LRRC75A: variants seen among roughly 807,000 people sequenced by gnomAD.
The protein encoded by LRRC75A is leucine-rich repeat-containing protein 75A.
A neutral mutation model predicts 26.0 loss-of-function variants in LRRC75A; 12 were observed. The observed-to-expected ratio is 0.46, with a 90% CI of 0.30 to 0.75. LRRC75A has a LOEUF of 0.75. LRRC75A is among the 30% of genes least tolerant of loss of function. The probability of loss-of-function intolerance (pLI) is 0.08; values close to 1 mark genes in which losing one functional copy is unlikely to be tolerated. For synonymous variants in LRRC75A, 223 were observed against 219.3 expected (o/e 1.02, Z -0.15); for missense variants, 410 against 486.6 (o/e 0.84, Z 1.48).
intron 1 of LRRC75A, among the ~76,000 whole-genome samples, chr17:16,476,518 G>C (rs1351181567): frequency 5.3e-5 from 8 of 151,708 alleles, no homozygotes; most frequent in Admixed American, 3.3e-4. Context: ...GGCTTTATTT[G>C]GCTTTTGTTT....
intron 2 of LRRC75A, among the ~76,000 whole-genome samples, chr17:16,453,020 G>A (rs1166096988): frequency 1.3e-5 from 2 of 152,088 alleles, no homozygotes; most frequent in Non-Finnish European, 2.9e-5. Flanking sequence ...GCCGGGCGCG[G>A]TAGTTCACGC....
At chr17:16,490,944 G>C (rs1032963181) in intron 1 of LRRC75A, among the ~76,000 whole-genome samples, 7 of 152,224 alleles carry the variant, frequency 4.6e-5, no homozygotes, top group Non-Finnish European at 7.3e-5. Context: ...CAAAGAAACT[G>C]ACAAAGGAAA....
intron 1 of LRRC75A, among the ~76,000 whole-genome samples, chr17:16,489,904 C>T (rs1212946832): frequency 2.8e-5 from 4 of 141,612 alleles, no homozygotes; most frequent in East Asian, 2.5e-4. Context: ...GCAGCTGAGG[C>T]GGGTACCAGG....
intron 1 of LRRC75A, among the ~76,000 whole-genome samples, chr17:16,474,356 C>T (rs1433506878): frequency 6.6e-6 from 1 of 152,218 alleles, no homozygotes; most frequent in Non-Finnish European, 1.5e-5. Flanking sequence ...CAACAAATAA[C>T]CATTTTCCTT....
intron 1 of LRRC75A, among the ~76,000 whole-genome samples, chr17:16,465,003 G>A (rs1489057292): frequency 2.0e-5 from 3 of 152,246 alleles, no homozygotes. Flanking sequence ...GGGAGCTGGA[G>A]AAGGAGGGCA....
At chr17:16,487,167 G>A (rs1379037318) in intron 1 of LRRC75A, among the ~76,000 whole-genome samples, 2 of 152,196 alleles carry the variant, frequency 1.3e-5, no homozygotes, top group Non-Finnish European at 2.9e-5. Flanking sequence ...TGCCCAGGAA[G>A]GTGGCCCTGG....
At chr17:16,455,118 A>G (rs2093666583) in intron 2 of LRRC75A, among the ~76,000 whole-genome samples, 1 of 151,378 alleles carries the variant, frequency 6.6e-6, no homozygotes, top group Admixed American at 6.6e-5. Context: ...TTTTTAGTAG[A>G]GACAGGGTTT....
chr17:16,451,982 T>C (rs975865341), intron 2 of LRRC75A, among the ~76,000 whole-genome samples: 15 of 150,720 alleles, frequency 1.0e-4, no homozygotes, highest in East Asian at 2.0e-4. Context: ...CTCCTGACCT[T>C]GTGATCCGCC....
intron 1 of LRRC75A, among the ~76,000 whole-genome samples, chr17:16,489,155 A>C (rs1015954770): frequency 6.6e-6 from 1 of 152,220 alleles, no homozygotes. Context: ...AAAGAGGCTA[A>C]GAAGCACAGG....
chr17:16,443,619 C>A lies in LRRC75A; in HGVS notation c.1004G>T (p.Gly335Val). 1 of 1,543,610 alleles carries A rather than the reference C, an allele frequency of 6.5e-7. No individual in the cohort carries two copies. Among genetic ancestry groups the A allele is most frequent in the Non-Finnish European group, 8.8e-7 (1 of 1,140,810 alleles). The change falls in exon 4 of 4, where the codon GGC (glycine) becomes GTC (valine). Residue 335 changes from glycine (G) to valine (V), a missense_variant. By Grantham distance (109) the Gly-to-Val change is moderately radical. Coordinates refer to ENST00000470794, the MANE Select transcript of LRRC75A (RefSeq NM_001113567.3). Reference protein sequence around the residue: ...PVAPAEDHHEGKETVAAAQT With the variant: ...PVAPAEDHHEVKETVAAAQT Reference sequence around the variant, plus strand: ...CTGAGCTGCAGCTACAGTCTCCTTGCCCTCATGGTGGTCTTCGGCAGGTGC... The same window carrying A: ...CTGAGCTGCAGCTACAGTCTCCTTGACCTCATGGTGGTCTTCGGCAGGTGC...
chr17:16,450,420 C>T (rs1261949514), intron 2 of LRRC75A, among the ~76,000 whole-genome samples: 1 of 152,174 alleles, frequency 6.6e-6, no homozygotes, highest in Non-Finnish European at 1.5e-5. Flanking sequence ...GGCTCCAGTT[C>T]ACAGCCCATC....
At chr17:16,447,790 G>A in intron 3 of LRRC75A, 55 bp downstream of exon 3, 1 of 1,324,294 alleles carries the variant, frequency 7.6e-7, no homozygotes, top group South Asian at 1.4e-5. Context: ...TGGGAGGGGT[G>A]CCCTGTAACA....
chr17:16,478,318 G>A (rs2093825935), intron 1 of LRRC75A: 1 of 151,562 alleles, frequency 6.6e-6, no homozygotes. Flanking sequence ...CTCCCAAGTA[G>A]TTGGGATTAG....
At chr17:16,485,459 GCCTCA>G (rs1286419039) in intron 1 of LRRC75A, among the ~76,000 whole-genome samples, 2 of 152,160 alleles carry the variant, frequency 1.3e-5, no homozygotes, top group Non-Finnish European at 2.9e-5. Flanking sequence ...CCAGAAAGCA[GCCTCA>G]CCACACAGTG....
rs538481771 is a variant in LRRC75A at position 16,456,613 on chromosome 17, G to C, written c.375+5645C>G. ...AGCCACATTCCCTACCATGCGGCAG[G>C]GGGAAGAGCAGTCTGTGCAGAGGGA... On this transcript the variant is annotated intron_variant, in intron 2 of 3. Transcript: ENST00000470794. Among the ~76,000 whole-genome samples, 131 of 152,268 alleles carry C rather than the reference G, an allele frequency of 8.6e-4. 1 individual carries two copies. The highest frequency in any genetic ancestry group is 3.4e-3 in the Middle Eastern group (1 of 292).
chr17:16,476,834 G>C, intron 1 of LRRC75A, among the ~76,000 whole-genome samples: 1 of 148,858 alleles, frequency 6.7e-6, no homozygotes, highest in Non-Finnish European at 1.5e-5. Context: ...CGCCTCCCGG[G>C]TTCACGCCAT....
At chr17:16,451,969 G>A (rs995940535) in intron 2 of LRRC75A, among the ~76,000 whole-genome samples, 1 of 151,272 alleles carries the variant, frequency 6.6e-6, no homozygotes, top group South Asian at 2.1e-4. Flanking sequence ...GGATGGTCTC[G>A]ATCTCCTGAC....
At chr17:16,458,787 T>G (rs1601137911) in intron 2 of LRRC75A, among the ~76,000 whole-genome samples, 1 of 152,080 alleles carries the variant, frequency 6.6e-6, no homozygotes, top group Non-Finnish European at 1.5e-5. Flanking sequence ...CCAACTTCTG[T>G]TAAGCCTTCT....
intron 1 of LRRC75A, chr17:16,470,328 C>T (rs1473726193): frequency 1.3e-5 from 2 of 152,188 alleles, no homozygotes; most frequent in Non-Finnish European, 2.9e-5. Flanking sequence ...TCTGCAACAA[C>T]AGAGCCGGGG....
Sources: allele counts gnomAD v4.1 joint callset (sites outside exome capture counted in the v4.1 genomes callset), GRCh38; gene constraint gnomAD v4.1.1; transcripts MANE v1.5; gene names NCBI Gene and HGNC (gene_info 2026-07-23, HGNC 2026-07-21).